The following BACH1 variants were observed in gnomAD, a reference collection of about 807,000 sequenced individuals.
BACH1 encodes BTB domain and CNC homolog 1, also known as transcription regulator protein BACH1.
A neutral mutation model predicts 52.9 loss-of-function variants in BACH1; 35 were observed. The observed-to-expected ratio is 0.66, with a 90% CI of 0.51 to 0.88. The LOEUF (loss-of-function observed/expected upper bound fraction) is 0.88, where lower values mean the gene tolerates loss of function less well. BACH1 is among the 40% of genes least tolerant of loss of function. BACH1 has a pLI of 0.00. For synonymous variants in BACH1, 321 were observed against 319.6 expected, an observed-to-expected ratio of 1.00 and a Z score of -0.05; for missense variants, 808 against 872.6, an observed-to-expected ratio of 0.93 and a Z score of 0.93.
At chr21:29,322,210 A>G (rs757362506) in intron 2 of BACH1, among the ~76,000 whole-genome samples, 10 of 152,174 alleles carry the variant, frequency 6.6e-5, no homozygotes, top group Non-Finnish European at 1.0e-4. Flanking sequence ...AATTCAAGAT[A>G]AGATTTGGGT....
intron 2 of BACH1, among the ~76,000 whole-genome samples, chr21:29,355,066 C>T (rs1003986636): frequency 5.3e-5 from 8 of 152,302 alleles, no homozygotes; most frequent in Admixed American, 2.6e-4. Context: ...GGGACCGGAG[C>T]GGGTTGCCCC....
At chr21:29,299,711 T>A (rs1418843731) in intron 1 of BACH1, 1 of 152,238 alleles carries the variant, frequency 6.6e-6, no homozygotes, top group African/African-American at 2.4e-5. Context: ...AGTAGAATTG[T>A]GCGGAATGCT....
At chr21:29,317,373 G>T (rs1191585852) in intron 1 of BACH1, among the ~76,000 whole-genome samples, 1 of 152,196 alleles carries the variant, frequency 6.6e-6, no homozygotes, top group African/African-American at 2.4e-5. Context: ...TTGGGTTATG[G>T]CAGGGAACAA....
At chr21:29,342,284 T>G in intron 4 of BACH1, 115 bp from the exon 5 acceptor site, 1 of 1,072,622 alleles carries the variant, frequency 9.3e-7, no homozygotes, top group Non-Finnish European at 1.4e-6. Context: ...ATTGAAAGGA[T>G]AAACTCCATG....
chr21:29,354,522 T>C (rs1439438184), intron 2 of BACH1, among the ~76,000 whole-genome samples: 1 of 152,136 alleles, frequency 6.6e-6, no homozygotes, highest in Non-Finnish European at 1.5e-5. Flanking sequence ...ATCAGAACAG[T>C]GGCCAGATTC....
chr21:29,301,482 G>A (rs1353811635), intron 1 of BACH1, among the ~76,000 whole-genome samples: 1 of 152,054 alleles, frequency 6.6e-6, no homozygotes, highest in African/African-American at 2.4e-5. Context: ...TTCCATTTAA[G>A]TTTTATTTTA....
chr21:29,321,762 G>C (rs997887971), intron 2 of BACH1, among the ~76,000 whole-genome samples: 8 of 151,084 alleles, frequency 5.3e-5, no homozygotes, highest in Non-Finnish European at 1.0e-4. Flanking sequence ...TTGATGAAAT[G>C]ACCAAATCAG....
Position 29,356,719 on chromosome 21 carries a change from T to G in BACH1, c.472+27026T>G, listed in dbSNP as rs568466898. 2.0e-5 allele frequency among the ~76,000 whole-genome samples: 3 copies of G among 152,398 alleles called. No homozygotes were observed. In the East Asian group the frequency reaches 5.8e-4, roughly 29 times the overall value. ...CAGTGCTTTCGGGCTACGCCCTTGT[T>G]TACACTGACAACAAGGTGATATTGG... On this transcript the variant is annotated intron_variant, in intron 2 of 4. Coordinates refer to the BACH1 transcript ENST00000422809.
At chr21:29,323,792 A>C (rs1407424495) in intron 2 of BACH1, among the ~76,000 whole-genome samples, 2 of 152,192 alleles carry the variant, frequency 1.3e-5, no homozygotes, top group African/African-American at 2.4e-5. Context: ...AGTGTCCGCC[A>C]TTGATAACAT....
chr21:29,354,467 A>G (rs766669902), intron 2 of BACH1, among the ~76,000 whole-genome samples: 18 of 152,204 alleles, frequency 1.2e-4, no homozygotes, highest in Admixed American at 5.9e-4. Flanking sequence ...GGCTGTAGTC[A>G]GACAAGAAGT....
chr21:29,320,347 C>G lies in BACH1; in HGVS notation c.-60-874C>G, dbSNP rs142701577. Among the ~76,000 whole-genome samples, 372 of 152,210 alleles carry G rather than the reference C, an allele frequency of 2.4e-3. 2 individuals are homozygous for G. The highest frequency in any genetic ancestry group is 0.017 in the Middle Eastern group (5 of 294). On this transcript the variant is annotated intron_variant, in intron 1 of 4. Coordinates refer to ENST00000286800, the MANE Select transcript of BACH1 (RefSeq NM_001186.4). Reference sequence around the variant, plus strand: ...TGTTACTTTGAACTTCTGTGTTTCTCAGAACATATATATCAGAATAGTAGC... The same window carrying G: ...TGTTACTTTGAACTTCTGTGTTTCTGAGAACATATATATCAGAATAGTAGC...
At chr21:29,323,359 C>T (rs935586185) in intron 2 of BACH1, among the ~76,000 whole-genome samples, 4 of 152,150 alleles carry the variant, frequency 2.6e-5, no homozygotes, top group Non-Finnish European at 5.9e-5. Context: ...GAAGCCAACA[C>T]TGTAGAGCCT....
At chr21:29,352,642 T>C (rs1054481452) in intron 2 of BACH1, 7 of 152,164 alleles carry the variant, frequency 4.6e-5, no homozygotes, top group African/African-American at 1.7e-4. Context: ...TGCCTCAGCT[T>C]CCCAAGTAAC....
chr21:29,319,814 TGAA>T (rs2088828513), intron 1 of BACH1, among the ~76,000 whole-genome samples: 1 of 151,068 alleles, frequency 6.6e-6, no homozygotes, highest in South Asian at 2.1e-4. Flanking sequence ...GGTATAGTCT[TGAA>T]GAAAGAAGAG....
chr21:29,308,680 C>G (rs1351541723), intron 1 of BACH1, among the ~76,000 whole-genome samples: 1 of 152,090 alleles, frequency 6.6e-6, no homozygotes, highest in Non-Finnish European at 1.5e-5. Context: ...GGGCTTTCGC[C>G]TCCTAAAGAA....
intron 1 of BACH1, among the ~76,000 whole-genome samples, chr21:29,319,487 T>G (rs892999458): frequency 6.6e-6 from 1 of 151,488 alleles, no homozygotes; most frequent in African/African-American, 2.4e-5. Context: ...AGGAGAAAAG[T>G]GGCAAGGTGG....
chr21:29,359,800 C>G (rs2123497682), intron 2 of BACH1, among the ~76,000 whole-genome samples: 1 of 152,314 alleles, frequency 6.6e-6, no homozygotes, highest in East Asian at 1.9e-4. Flanking sequence ...TAAAACAGTT[C>G]TGTTGAACTT....
At chr21:29,351,633 G>C (rs749983585) in intron 2 of BACH1, 1 of 534,714 alleles carries the variant, frequency 1.9e-6, no homozygotes, top group East Asian at 5.4e-5. Context: ...TTCTGTTTCA[G>C]GGTTCTGTGG....
chr21:29,357,199 A>G (rs1464889146), intron 2 of BACH1, among the ~76,000 whole-genome samples: 1 of 152,346 alleles, frequency 6.6e-6, no homozygotes, highest in Non-Finnish European at 1.5e-5. Context: ...AGTTCTGCTA[A>G]CGGGGCGCTG....
Sources: allele counts gnomAD v4.1 joint callset (sites outside exome capture counted in the v4.1 genomes callset), GRCh38; gene constraint gnomAD v4.1.1; transcripts MANE v1.5; gene names NCBI Gene and HGNC (gene_info 2026-07-23, HGNC 2026-07-21).